Variants in KANSL1 observed in about 807,000 individuals in gnomAD.
KANSL1 encodes the protein MLL1/MLL complex subunit KANSL1.
In KANSL1, 22 loss-of-function variants were observed where a neutral mutation model predicts 103.6. That is an observed-to-expected ratio of 0.21 (90% CI 0.15 to 0.30). The LOEUF (loss-of-function observed/expected upper bound fraction) is 0.30. Among genes scored for constraint, KANSL1 ranks in the 10% least tolerant of loss-of-function variants. KANSL1 has a pLI of 1.00. For missense variants in KANSL1, 1,337 were observed against 1,399.8 expected (o/e 0.96, Z 0.72); for synonymous variants, 600 against 527.6 (o/e 1.14, Z -1.88).
At chr17:46,068,959 T>G (rs1330722344) in intron 4 of KANSL1, among the ~76,000 whole-genome samples, 1 of 152,186 alleles carries the variant, frequency 6.6e-6, no homozygotes, top group Admixed American at 6.5e-5. Context: ...GAAGTCTCGC[T>G]ATCCCGCCCA....
intron 7 of KANSL1, 56 bp from the exon 8 acceptor site, chr17:46,039,940 T>TACGGCGAC: frequency 6.7e-7 from 1 of 1,499,908 alleles, no homozygotes; most frequent in South Asian, 1.2e-5. Flanking sequence ...TCTCTAGTGT[T>TACGGCGAC]CAAGACCTAC....
intron 2 of KANSL1, among the ~76,000 whole-genome samples, chr17:46,161,250 TAAAAAAAAAAAAAAAAA>T (rs534754110): frequency 1.3e-5 from 1 of 79,398 alleles, no homozygotes; most frequent in Non-Finnish European, 2.3e-5. Context: ...CCACCTCTAC[TAAAAAAAAAAAAAAAAA>T]AAAAAAAAAA....
At chr17:46,094,826 C>T in intron 2 of KANSL1, 125 bp from the exon 3 acceptor site, 1 of 1,129,282 alleles carries the variant, frequency 8.9e-7, no homozygotes. Context: ...TCAAGAAAAA[C>T]CCAAGAGAGA....
intron 2 of KANSL1, among the ~76,000 whole-genome samples, chr17:46,129,413 A>G: frequency 6.6e-6 from 1 of 152,362 alleles, no homozygotes; most frequent in Non-Finnish European, 1.5e-5. Flanking sequence ...GAACGTATAT[A>G]TATAAAAAAA....
At chr17:46,107,333 A>T (rs2042611360) in intron 2 of KANSL1, among the ~76,000 whole-genome samples, 1 of 152,206 alleles carries the variant, frequency 6.6e-6, no homozygotes, top group South Asian at 2.1e-4. Context: ...TCTTTAACAC[A>T]GGGTTTCAAC....
chr17:46,040,805 A>G (rs180697402), intron 7 of KANSL1: 1 of 152,282 alleles, frequency 6.6e-6, no homozygotes, highest in East Asian at 1.9e-4. Flanking sequence ...CTCTCTCTCC[A>G]TCTATTTACG....
In KANSL1 at chr17:46,201,420, C is replaced by T. The variant is rs2047801122; in HGVS notation, c.-90+22251G>A. ...CACAAATATATTACAGGTTGACCAT[C>T]CCTAATCTGAAAATTCAAAACCCTC... On this transcript the variant is annotated intron_variant, in intron 1 of 14. Transcript: ENST00000572904. Among the ~76,000 whole-genome samples the T allele has an allele frequency of 2.0e-5, 3 of 152,172 alleles. No individual in the cohort carries two copies. In the South Asian group the frequency reaches 6.2e-4, roughly 31 times the overall value.
chr17:46,128,678 G>A (rs146552132), intron 2 of KANSL1, among the ~76,000 whole-genome samples: 7 of 152,330 alleles, frequency 4.6e-5, no homozygotes, highest in South Asian at 4.1e-4. Flanking sequence ...GAAAATAGGC[G>A]GGAATATACT....
At chr17:46,191,402 G>A (rs2047315418) in intron 1 of KANSL1, among the ~76,000 whole-genome samples, 1 of 152,212 alleles carries the variant, frequency 6.6e-6, no homozygotes, top group African/African-American at 2.4e-5. Flanking sequence ...GAACCAAGTA[G>A]AGCCTATAGG....
chr17:46,158,523 C>T (rs1315402887), intron 2 of KANSL1, among the ~76,000 whole-genome samples: 1 of 152,024 alleles, frequency 6.6e-6, no homozygotes, highest in Non-Finnish European at 1.5e-5. Context: ...TCACCATGCC[C>T]AGCCAATTTT....
chr17:46,105,947 A>ACACACACACACC, intron 2 of KANSL1, among the ~76,000 whole-genome samples: 1 of 57,864 alleles, frequency 1.7e-5, no homozygotes, highest in Middle Eastern at 8.1e-3. Context: ...ACACACACAC[A>ACACACACACACC]CCCCCCCAGA....
At chr17:46,033,592 C>T in intron 11 of KANSL1, 132 bp from the exon 12 acceptor site, 1 of 739,842 alleles carries the variant, frequency 1.4e-6, no homozygotes, top group South Asian at 1.6e-5. Context: ...AGGCTCTGCC[C>T]TATCACAGCT....
chr17:46,138,356 C>T (rs2044256991), intron 2 of KANSL1, among the ~76,000 whole-genome samples: 2 of 152,190 alleles, frequency 1.3e-5, no homozygotes, highest in Non-Finnish European at 2.9e-5. Context: ...ACTTTTTCTT[C>T]TCATTATTCC....
intron 2 of KANSL1, among the ~76,000 whole-genome samples, chr17:46,167,301 CAA>C (rs1479746914): frequency 6.6e-6 from 1 of 151,754 alleles, no homozygotes; most frequent in Non-Finnish European, 1.5e-5. Flanking sequence ...GAGGGAAAAA[CAA>C]AGAATATAAA....
At chr17:46,127,884 A>G (rs958281895) in intron 2 of KANSL1, among the ~76,000 whole-genome samples, 1 of 152,236 alleles carries the variant, frequency 6.6e-6, no homozygotes, top group Non-Finnish European at 1.5e-5. Context: ...GCAGCACCTA[A>G]TAAGACTTGA....
chr17:46,124,425 G>C (rs112073200), intron 2 of KANSL1, among the ~76,000 whole-genome samples: 21,660 of 151,944 alleles, frequency 0.14, 2,121 homozygotes, highest in Non-Finnish European at 0.22. Context: ...CACCATTGCC[G>C]GAGAGGTCTG....
chr17:46,050,627 G>A lies in KANSL1; in HGVS notation c.1926C>T (p.Asn642=), dbSNP rs764203426. Residue 642 remains asparagine, a synonymous_variant, in exon 7 of 15, where the codon AAC becomes AAT. Transcript: ENST00000432791. ...SCALCGSGSI[N]TMPPEIHYEA... ...CATAGTGAATTTCGGGAGGCATGGT[G>A]TTGATGCTGCCTGAACCACACAGTG... The A allele has an allele frequency of 6.2e-7, 1 of 1,614,118 alleles. No homozygotes were observed. Among genetic ancestry groups the A allele is most frequent in the African/African-American group, 1.3e-5 (1 of 74,952 alleles).
At chr17:46,103,767 T>G (rs1334140723) in intron 2 of KANSL1, among the ~76,000 whole-genome samples, 2 of 152,246 alleles carry the variant, frequency 1.3e-5, no homozygotes, top group Non-Finnish European at 2.9e-5. Flanking sequence ...GGCTCATGCC[T>G]GTAATCTCAG....
chr17:46,081,849 C>T (rs1421481411), intron 4 of KANSL1, among the ~76,000 whole-genome samples: 3 of 151,922 alleles, frequency 2.0e-5, no homozygotes, highest in Admixed American at 6.6e-5. Context: ...ATTCATAAAA[C>T]CCAGTAACCT....
Sources: gnomAD v4.1 joint callset for allele counts (sites outside exome capture counted in the v4.1 genomes callset) on GRCh38, gnomAD v4.1.1 for gene constraint, MANE v1.5 for transcripts, NCBI Gene and HGNC (gene_info 2026-07-23, HGNC 2026-07-21) for gene names.